The following DNAI1 variants were observed in gnomAD, a reference collection of about 807,000 sequenced individuals.
The protein encoded by DNAI1 is dynein axonemal intermediate chain 1.
DNAI1 carries 67 observed loss-of-function variants against 92.0 expected under a neutral mutation model. The ratio of observed to expected loss-of-function variants is 0.73; its 90% confidence interval spans 0.60 to 0.89. The LOEUF is 0.89. Among genes scored for constraint, DNAI1 ranks in the 40% least tolerant of loss-of-function variants. The pLI is 0.00. For missense variants in DNAI1, 839 were observed against 866.6 expected (o/e 0.97, Z 0.40); for synonymous variants, 323 against 319.6 (o/e 1.01, Z -0.11).
At position 34,490,132 on chromosome 9, in the gene DNAI1, A is replaced by G. The variant is rs187425808; in HGVS notation, c.501+8A>G. On this transcript the variant is annotated splice_region_variant and intron_variant, in intron 6 of 19. Coordinates refer to ENST00000242317, the MANE Select transcript of DNAI1 (RefSeq NM_012144.4). ...GATGTGCCTGCAGCTGGGGTACAGT[A>G]TAATATCGCTCTGTGTCCCTCTTCT... 8.1e-6 allele frequency: 13 copies of G among 1,613,816 alleles called. No homozygotes were observed. Among genetic ancestry groups the G allele is most frequent in the African/African-American group, 2.7e-5 (2 of 75,052 alleles).
chr9:34,515,679 C>A (rs897104938), intron 18 of DNAI1, among the ~76,000 whole-genome samples: 3 of 152,182 alleles, frequency 2.0e-5, no homozygotes, highest in African/African-American at 7.2e-5. Context: ...ATACATGCTA[C>A]AACATGGAGG....
chr9:34,482,719 G>A (rs1053530581), intron 1 of DNAI1, among the ~76,000 whole-genome samples: 15 of 152,268 alleles, frequency 9.9e-5, no homozygotes, highest in Admixed American at 3.3e-4. Flanking sequence ...ATCCCCCACC[G>A]GGGCTGCAGG....
chr9:34,462,072 AC>A (rs1823960883), intron 1 of DNAI1, among the ~76,000 whole-genome samples: 1 of 151,968 alleles, frequency 6.6e-6, no homozygotes, highest in Non-Finnish European at 1.5e-5. Flanking sequence ...TGTTCATATC[AC>A]TCCACTAGTC....
chr9:34,493,930 T>C (rs886806117), intron 9 of DNAI1, among the ~76,000 whole-genome samples: 1 of 151,846 alleles, frequency 6.6e-6, no homozygotes, highest in African/African-American at 2.4e-5. Flanking sequence ...CCAGCACAGG[T>C]TTGGGGAATC....
intron 12 of DNAI1, among the ~76,000 whole-genome samples, chr9:34,501,576 G>C (rs2132072805): frequency 6.6e-6 from 1 of 152,346 alleles, no homozygotes; most frequent in Middle Eastern, 3.4e-3. Flanking sequence ...AACCACTGAA[G>C]GAATTCAAGG....
rs1554688186 is a variant in DNAI1 at position 34,492,493 on chromosome 9, G to GATAGATATATATATATATATAT, written c.682-698_682-697insGATATATATATATATATATATA. On this transcript the variant is annotated intron_variant, in intron 8 of 19. Transcript: ENST00000242317. ...TCCGGGGTGGGGGTGGGGATATGAA[G>GATAGATATATATATATATATAT]ATATATATATATATATATATATATA... Among the ~76,000 whole-genome samples, 16 of 68,258 alleles carry GATAGATATATATATATATATAT rather than the reference G, an allele frequency of 2.3e-4. 1 individual carries two copies. The highest frequency in any genetic ancestry group is 3.1e-4 in the Non-Finnish European group (10 of 32,726). The allele number at this position is 68,258 out of a possible 152,430, so 44.8% of individuals were successfully genotyped here.
intron 1 of DNAI1, among the ~76,000 whole-genome samples, chr9:34,469,228 T>A (rs1404582133): frequency 2.0e-5 from 3 of 146,434 alleles, no homozygotes; most frequent in Non-Finnish European, 4.5e-5. Context: ...CTTCTCACCA[T>A]AAACAATGTA....
intron 13 of DNAI1, among the ~76,000 whole-genome samples, chr9:34,509,916 G>T (rs200278021): frequency 1.4e-5 from 2 of 140,556 alleles, no homozygotes; most frequent in Non-Finnish European, 3.1e-5. Flanking sequence ...AAAAAAAAAA[G>T]AAAAAAAAGA....
intron 15 of DNAI1, 92 bp downstream of exon 15, chr9:34,512,516 C>A: frequency 8.1e-7 from 1 of 1,235,828 alleles, no homozygotes; most frequent in Non-Finnish European, 1.2e-6. Context: ...TGACTGAGTG[C>A]TCCCTCCCCA....
chr9:34,489,447 C>T lies in DNAI1; in HGVS notation c.386C>T (p.Ala129Val). ...RRQHYRDELV[A>V]GSQESVKVIS... is the part of the protein sequence containing the mutation. ...CAGCATTACCGCGATGAATTAGTGG[C>T]AGGTAGGACTCTGGGCCATCCTGAA... is the stretch of plus-strand genomic sequence containing the variant. Residue 129 changes from alanine to valine, a missense_variant and splice_region_variant, in exon 5 of 20, where the codon GCA (alanine) becomes GTA (valine). Coordinates refer to ENST00000242317, the MANE Select transcript of DNAI1 (RefSeq NM_012144.4). The T allele has an allele frequency of 1.9e-6, 3 of 1,613,468 alleles. No individual in the cohort carries two copies. The highest frequency in any genetic ancestry group is 2.2e-5 in the South Asian group (2 of 91,042).
chr9:34,467,017 C>G (rs965990070), intron 1 of DNAI1, among the ~76,000 whole-genome samples: 12 of 152,222 alleles, frequency 7.9e-5, no homozygotes, highest in African/African-American at 2.9e-4. Flanking sequence ...CAGCAAGGGA[C>G]AAGATCCTAT....
chr9:34,503,905 C>T (rs1472320203), intron 12 of DNAI1, among the ~76,000 whole-genome samples: 1 of 152,122 alleles, frequency 6.6e-6, no homozygotes, highest in Non-Finnish European at 1.5e-5. Context: ...GGAACTAGCC[C>T]AAGAAGAGAT....
intron 13 of DNAI1, among the ~76,000 whole-genome samples, chr9:34,508,506 G>A (rs1255249515): frequency 1.3e-5 from 2 of 152,138 alleles, no homozygotes; most frequent in African/African-American, 4.8e-5. Flanking sequence ...TCCAGGCAGG[G>A]AAGGATCTCT....
At chr9:34,484,037 G>A (rs150775700) in intron 2 of DNAI1, among the ~76,000 whole-genome samples, 7,560 of 152,014 alleles carry the variant, frequency 0.05, 275 homozygotes, top group Non-Finnish European at 0.065. Flanking sequence ...CCAACATGGC[G>A]AAACCCCATC....
intron 1 of DNAI1, among the ~76,000 whole-genome samples, chr9:34,474,006 G>A (rs1824191700): frequency 6.6e-6 from 1 of 152,082 alleles, no homozygotes; most frequent in Non-Finnish European, 1.5e-5. Context: ...GGGACTACAG[G>A]CATAAACCAC....
chr9:34,514,459 T>C lies in DNAI1; in HGVS notation c.1635T>C (p.Thr545=), dbSNP rs547737876. The C allele has an allele frequency of 6.2e-7, 1 of 1,614,192 alleles. No individual in the cohort carries two copies. The highest frequency in any genetic ancestry group is 2.2e-5 in the East Asian group (1 of 44,884). The change falls in exon 17 of 20, where the codon ACT becomes ACC. Residue 545 remains threonine, a synonymous_variant. Transcript: ENST00000242317. ...ACGCCCACAACATGTCAGTGGACAC[T>C]GTGTCCTGGAACCCATACCACACCA... ...TYDAHNMSVD[T]VSWNPYHTKV... is the part of the protein sequence containing the mutation.
chr9:34,477,517 TATAATC>T (rs1296593791), intron 1 of DNAI1, among the ~76,000 whole-genome samples: 4 of 152,158 alleles, frequency 2.6e-5, no homozygotes, highest in Non-Finnish European at 5.9e-5. Context: ...ATTATAATGA[TATAATC>T]ATTAGAGTAG....
At chr9:34,481,543 A>G (rs1824354871) in intron 1 of DNAI1, among the ~76,000 whole-genome samples, 1 of 152,220 alleles carries the variant, frequency 6.6e-6, no homozygotes, top group African/African-American at 2.4e-5. Flanking sequence ...ACTGACTTCA[A>G]GAATGAAGCC....
At position 34,490,077 on chromosome 9, in the gene DNAI1, G is replaced by T; in HGVS notation, c.454G>T (p.Glu152Ter). ...GNLEEDEEPK[E>*]LETEPGSQTD... ...CCTCGAAGAAGACGAAGAGCCCAAG[G>T]AGTTAGAAACTGAGCCTGGGAGTCA... The change falls in exon 6 of 20, where the codon GAG becomes TAG. Residue 152 changes from glutamate (E) to a stop codon, truncating the protein, a stop_gained. Transcript: ENST00000242317. LOFTEE classifies it high-confidence loss of function. 1.9e-6 allele frequency: 3 copies of T among 1,614,198 alleles called. No individual in the cohort carries two copies. Among genetic ancestry groups the T allele is most frequent in the Non-Finnish European group, 2.5e-6 (3 of 1,180,038 alleles).
Sources: gnomAD v4.1 joint callset for allele counts (sites outside exome capture counted in the v4.1 genomes callset) on GRCh38, gnomAD v4.1.1 for gene constraint, MANE v1.5 for transcripts, NCBI Gene and HGNC (gene_info 2026-07-23, HGNC 2026-07-21) for gene names.